GALNT11: variants seen among roughly 807,000 people sequenced by gnomAD.
GALNT11 encodes the protein polypeptide N-acetylgalactosaminyltransferase 11.
In GALNT11, 47 loss-of-function variants were observed where a neutral mutation model predicts 72.7. The ratio of observed to expected loss-of-function variants is 0.65; its 90% confidence interval spans 0.51 to 0.82. The LOEUF is 0.82. GALNT11 is among the 40% of genes least tolerant of loss of function. The pLI is 0.00. For synonymous variants in GALNT11, 270 were observed against 286.6 expected (o/e 0.94, Z 0.58); for missense variants, 677 against 778.4 (o/e 0.87, Z 1.55).
At chr7:152,080,253 T>A (rs769753055) in intron 1 of GALNT11, among the ~76,000 whole-genome samples, 1 of 152,234 alleles carries the variant, frequency 6.6e-6, no homozygotes, top group Non-Finnish European at 1.5e-5. Context: ...TGCTTGTGGC[T>A]ATGGAAATCC....
intron 1 of GALNT11, among the ~76,000 whole-genome samples, chr7:152,088,517 T>G (rs2085798690): frequency 8.4e-6 from 1 of 118,694 alleles, no homozygotes; most frequent in African/African-American, 4.0e-5. Context: ...GGTTTCAGGG[T>G]TTTTTTTTTT....
intron 1 of GALNT11, among the ~76,000 whole-genome samples, chr7:152,069,997 C>CTTTTTTTTT (rs879494057): frequency 2.8e-5 from 4 of 143,482 alleles, no homozygotes; most frequent in South Asian, 2.2e-4. Context: ...TTTTCTTTTT[C>CTTTTTTTTT]TTTTTCTTTT....
chr7:152,042,026 G>T (rs553131902), intron 1 of GALNT11, among the ~76,000 whole-genome samples: 2 of 152,284 alleles, frequency 1.3e-5, no homozygotes, highest in Admixed American at 1.3e-4. Flanking sequence ...TGCATATAAT[G>T]GATAATGTAA....
chr7:152,038,360 G>T (rs569411471), intron 1 of GALNT11, among the ~76,000 whole-genome samples: 3 of 152,314 alleles, frequency 2.0e-5, no homozygotes, highest in South Asian at 4.1e-4. Context: ...AAAGGAATGG[G>T]CTCTGGCTGC....
In GALNT11 at chr7:152,077,766, A is replaced by G. The variant is rs1330031828; in HGVS notation, c.-38-16424A>G. Among the ~76,000 whole-genome samples, 4 of 152,162 alleles carry G rather than the reference A, an allele frequency of 2.6e-5. No individual in the cohort carries two copies. The East Asian group carries it at 7.7e-4, about 29-fold the overall frequency. On this transcript the variant is annotated intron_variant, in intron 1 of 11. Coordinates refer to ENST00000430044, the MANE Select transcript of GALNT11 (RefSeq NM_022087.4). ...TCCACCATACCACCAAGTCAGTGTA[A>G]CCAGGCCCACTGGGAGACTACCTTA...
At chr7:152,091,682 A>C (rs564122428) in intron 1 of GALNT11, among the ~76,000 whole-genome samples, 3 of 152,172 alleles carry the variant, frequency 2.0e-5, no homozygotes, top group African/African-American at 7.2e-5. Flanking sequence ...CCAGCCGGAG[A>C]GGAAAGTTTC....
intron 1 of GALNT11, among the ~76,000 whole-genome samples, chr7:152,071,714 A>C (rs937770447): frequency 6.6e-6 from 1 of 152,234 alleles, no homozygotes; most frequent in Non-Finnish European, 1.5e-5. Context: ...CAGTAAAGAC[A>C]GGCATAAGAA....
rs775082863 is a variant in GALNT11, at chr7:152,110,529, T to A, written c.964T>A (p.Ser322Thr). ...RAEGATAPIKSPTMAGGLFAM... is the reference protein window; with the variant it reads ...RAEGATAPIKTPTMAGGLFAM... The stretch of plus-strand genomic sequence containing the variant: ...GTACAGTAATTTTCCTTTTTCTAGG[T>A]CACCAACAATGGCTGGAGGTTTGTT... Residue 322 changes from serine to threonine, a missense_variant and splice_region_variant, in exon 7 of 12, where the codon TCA (serine) becomes ACA (threonine). Physicochemically the swap from Ser to Thr is moderately conservative, Grantham distance 58 (BLOSUM62 1). Transcript: ENST00000430044. The A allele has an allele frequency of 6.2e-7, 1 of 1,612,134 alleles. No homozygotes were observed. The highest frequency in any genetic ancestry group is 1.1e-5 in the South Asian group (1 of 90,482).
At chr7:152,118,951 A>C in intron 10 of GALNT11, 169 bp downstream of exon 10, 1 of 481,694 alleles carries the variant, frequency 2.1e-6, no homozygotes, top group Non-Finnish European at 3.5e-6. Flanking sequence ...GGGGTTATCT[A>C]TATCCTAGTG....
At position 152,103,236 on chromosome 7, in the gene GALNT11, C is replaced by G. The variant is rs151208507; in HGVS notation, c.544C>G (p.Leu182Val). 6.4e-5 allele frequency: 104 copies of G among 1,613,720 alleles called. No homozygotes were observed. The African/African-American group carries it at 1.3e-3, about 20-fold the overall frequency. Reference protein sequence around the residue: ...HSVIDRTPAHLLHEIILVDDD... With the variant: ...HSVIDRTPAHVLHEIILVDDD... Reference sequence around the variant, plus strand: ...TGTCATAGACCGCACGCCAGCACACCTGCTTCATGAGATCATCCTTGTGGA... The same window carrying G: ...TGTCATAGACCGCACGCCAGCACACGTGCTTCATGAGATCATCCTTGTGGA... The change falls in exon 4 of 12, where the codon CTG (leucine) becomes GTG (valine). Residue 182 changes from leucine (L) to valine (V), a missense_variant. Physicochemically the swap from Leu to Val is conservative, Grantham distance 32. Transcript: ENST00000430044.
intron 9 of GALNT11, chr7:152,117,676 C>T (rs917213981): frequency 8.9e-6 from 3 of 337,766 alleles, no homozygotes; most frequent in South Asian, 4.9e-5. Flanking sequence ...GTGTCAACTT[C>T]GTGTGTCAGA....
At chr7:152,056,557 A>C (rs1422673975) in intron 1 of GALNT11, among the ~76,000 whole-genome samples, 1 of 152,232 alleles carries the variant, frequency 6.6e-6, no homozygotes, top group African/African-American at 2.4e-5. Flanking sequence ...ACACATGTCC[A>C]TGTGAGCATT....
intron 1 of GALNT11, among the ~76,000 whole-genome samples, chr7:152,086,730 G>A (rs2085671489): frequency 6.6e-6 from 1 of 152,196 alleles, no homozygotes; most frequent in South Asian, 2.1e-4. Flanking sequence ...AAGGAAAGTA[G>A]TTTCCCGGGT....
In GALNT11 at chr7:152,108,105, C is replaced by T. The variant is rs376062613; in HGVS notation, c.780C>T (p.Ala260=). 29 of 1,613,910 alleles carry T rather than the reference C, an allele frequency of 1.8e-5. No homozygotes were observed. The South Asian group carries it at 2.5e-4, about 14-fold the overall frequency. The change falls in exon 6 of 12, where the codon GCC becomes GCT. Residue 260 remains alanine (A), a synonymous_variant. Transcript: ENST00000430044. ...VNVMWLQPLL[A]AIREDRHTVV... ...TGATGTGGCTGCAGCCCTTGCTGGC[C>T]GCCATCCGTGAGGACCGGCACACCG...
At chr7:152,042,295 G>A (rs2082898986) in intron 1 of GALNT11, among the ~76,000 whole-genome samples, 2 of 149,760 alleles carry the variant, frequency 1.3e-5, no homozygotes, top group Non-Finnish European at 2.9e-5. Context: ...AATCTTGGCT[G>A]TAATGTCCCC....
chr7:152,032,518 T>C (rs2082353058), intron 1 of GALNT11, among the ~76,000 whole-genome samples: 1 of 152,244 alleles, frequency 6.6e-6, no homozygotes, highest in Non-Finnish European at 1.5e-5. Flanking sequence ...GTTTTTGTAC[T>C]CCTAGAATTG....
At chr7:152,116,531 G>A (rs902876302) in intron 8 of GALNT11, among the ~76,000 whole-genome samples, 7 of 152,172 alleles carry the variant, frequency 4.6e-5, no homozygotes, top group East Asian at 1.9e-4. Flanking sequence ...GAGCCACTGC[G>A]CCTGGCCGAT....
intron 1 of GALNT11, among the ~76,000 whole-genome samples, chr7:152,055,441 A>T (rs1450693181): frequency 6.6e-6 from 1 of 151,898 alleles, no homozygotes; most frequent in African/African-American, 2.4e-5. Context: ...TAGGTAATTT[A>T]TTCTGTCTCC....
At position 152,106,403 on chromosome 7, in the gene GALNT11, G is replaced by T. The variant is rs150906743; in HGVS notation, c.712+1033G>T. ...AGTTGGAACTTCACTTTTAGTATCTGTCTTCTCTTATTTCTCTGAAGCCCA... is the reference window on the plus strand; with the variant it reads ...AGTTGGAACTTCACTTTTAGTATCTTTCTTCTCTTATTTCTCTGAAGCCCA... On this transcript the variant is annotated intron_variant, in intron 5 of 11. Transcript: ENST00000430044. 2.7e-3 allele frequency among the ~76,000 whole-genome samples: 413 copies of T among 152,192 alleles called. 4 individuals are homozygous for T. The highest frequency in any genetic ancestry group is 3.1e-3 in the Non-Finnish European group (214 of 68,024).
Sources: allele counts gnomAD v4.1 joint callset (sites outside exome capture counted in the v4.1 genomes callset), GRCh38; gene constraint gnomAD v4.1.1; transcripts MANE v1.5; gene names NCBI Gene and HGNC (gene_info 2026-07-23, HGNC 2026-07-21).